DGKB: variants seen among roughly 807,000 people sequenced by gnomAD.
DGKB encodes the protein diacylglycerol kinase beta.
DGKB carries 67 observed loss-of-function variants against 114.3 expected under a neutral mutation model. That is an observed-to-expected ratio of 0.59 (90% CI 0.48 to 0.72). The LOEUF is 0.72. DGKB is among the 30% of genes least tolerant of loss of function. The probability of loss-of-function intolerance (pLI) is 0.00; values close to 1 mark genes in which losing one functional copy is unlikely to be tolerated. For synonymous variants in DGKB, 398 were observed against 323.1 expected (o/e 1.23, Z -2.49); for missense variants, 907 against 975.2 (o/e 0.93, Z 0.93).
In DGKB at chr7:14,965,928, T is replaced by A. The variant is rs551123906; in HGVS notation, c.-188+8768A>T. ...ACATTTTTGTACATCATGATATGAA[T>A]CTATACTTCTGTCAAAAAAAACTAT... On this transcript the variant is annotated intron_variant, in intron 1 of 4. Coordinates refer to the DGKB transcript ENST00000437998. 7.2e-5 allele frequency among the ~76,000 whole-genome samples: 11 copies of A among 152,234 alleles called. No homozygotes were observed. The East Asian group carries it at 2.1e-3, about 29-fold the overall frequency.
upstream of DGKB, among the ~76,000 whole-genome samples, chr7:14,907,564 C>G (rs554472170): frequency 6.6e-6 from 1 of 152,188 alleles, no homozygotes; most frequent in Non-Finnish European, 1.5e-5. Flanking sequence ...TGAACACACA[C>G]ACATGTGCAC....
chr7:14,377,829 A>T (rs566172748), intron 21 of DGKB, among the ~76,000 whole-genome samples: 4 of 152,256 alleles, frequency 2.6e-5, no homozygotes, highest in African/African-American at 9.6e-5. Context: ...AGGGTAGGTT[A>T]TACTCCTTTT....
At chr7:14,744,837 A>AT (rs1043814597) in intron 4 of DGKB, among the ~76,000 whole-genome samples, 21 of 151,612 alleles carry the variant, frequency 1.4e-4, no homozygotes, top group Middle Eastern at 3.4e-3. Flanking sequence ...GTTGTTTTGA[A>AT]TTTTTTTTTG....
At chr7:14,768,969 G>A (rs1836870116) in intron 2 of DGKB, among the ~76,000 whole-genome samples, 1 of 151,556 alleles carries the variant, frequency 6.6e-6, no homozygotes, top group Admixed American at 6.6e-5. Context: ...AATGTGTAGG[G>A]TATTTTAAAC....
At chr7:14,932,704 C>T (rs1431047576) in intron 1 of DGKB, among the ~76,000 whole-genome samples, 4 of 152,032 alleles carry the variant, frequency 2.6e-5, no homozygotes, top group African/African-American at 7.2e-5. Flanking sequence ...TAACGCAAAA[C>T]AATATAGGAT....
intron 21 of DGKB, among the ~76,000 whole-genome samples, chr7:14,445,562 G>A (rs761504458): frequency 4.6e-5 from 7 of 151,970 alleles, no homozygotes; most frequent in Non-Finnish European, 7.4e-5. Flanking sequence ...AGATAATGAA[G>A]AGGTAATAAC....
intron 1 of DGKB, among the ~76,000 whole-genome samples, chr7:14,950,687 A>T (rs1786146683): frequency 6.6e-6 from 1 of 151,982 alleles, no homozygotes; most frequent in Admixed American, 6.6e-5. Flanking sequence ...ATTAAAGAAT[A>T]AATATTAATC....
intron 1 of DGKB, among the ~76,000 whole-genome samples, chr7:14,892,552 C>T (rs765807568): frequency 3.3e-5 from 5 of 150,948 alleles, no homozygotes; most frequent in Non-Finnish European, 7.4e-5. Flanking sequence ...TAAATTTACA[C>T]ATTAAGGTAA....
At chr7:14,961,279 A>G (rs547105396) in intron 1 of DGKB, among the ~76,000 whole-genome samples, 1 of 152,224 alleles carries the variant, frequency 6.6e-6, no homozygotes. Flanking sequence ...TTTTGAACAA[A>G]ACATTGATTT....
intron 21 of DGKB, among the ~76,000 whole-genome samples, chr7:14,433,292 T>C (rs1828751197): frequency 1.3e-5 from 2 of 152,166 alleles, no homozygotes; most frequent in African/African-American, 4.8e-5. Context: ...CTCTTCTCAA[T>C]CCAATTTCCT....
chr7:14,630,676 C>A (rs1005117172), intron 13 of DGKB, among the ~76,000 whole-genome samples: 1 of 151,928 alleles, frequency 6.6e-6, no homozygotes, highest in African/African-American at 2.4e-5. Flanking sequence ...GTCTTTTGAA[C>A]ACAGACATAG....
chr7:14,422,542 C>G (rs1489982460), intron 21 of DGKB, among the ~76,000 whole-genome samples: 2 of 151,934 alleles, frequency 1.3e-5, no homozygotes, highest in African/African-American at 4.8e-5. Flanking sequence ...AAAATCATTC[C>G]AGGCTTTATT....
chr7:14,510,064 T>G (rs1460364220), intron 20 of DGKB, among the ~76,000 whole-genome samples: 2 of 152,046 alleles, frequency 1.3e-5, no homozygotes, highest in Admixed American at 1.3e-4. Context: ...TAGTCCCAGC[T>G]ACTCGGGAGG....
chr7:14,646,712 G>A (rs1016806340), intron 13 of DGKB, among the ~76,000 whole-genome samples: 9 of 151,864 alleles, frequency 5.9e-5, no homozygotes. Context: ...CAAATACATG[G>A]AAATTAAACA....
At chr7:14,915,480 T>C (rs768665022) in intron 1 of DGKB, among the ~76,000 whole-genome samples, 5 of 152,086 alleles carry the variant, frequency 3.3e-5, no homozygotes, top group Non-Finnish European at 5.9e-5. Flanking sequence ...TCCAAGAAAC[T>C]CAGAGAACAC....
intron 23 of DGKB, among the ~76,000 whole-genome samples, chr7:14,179,108 G>A (rs1782250532): frequency 6.6e-6 from 1 of 152,142 alleles, no homozygotes; most frequent in Non-Finnish European, 1.5e-5. Context: ...AATTTACAAC[G>A]TTTTAGAAAT....
chr7:14,934,856 TA>T (rs1785196835), intron 1 of DGKB, among the ~76,000 whole-genome samples: 1 of 152,314 alleles, frequency 6.6e-6, no homozygotes, highest in South Asian at 2.1e-4. Context: ...TCCAAGTTTT[TA>T]AATTTAATGC....
chr7:14,164,045 CACAACA>C, intron 25 of DGKB, among the ~76,000 whole-genome samples: 1 of 151,862 alleles, frequency 6.6e-6, no homozygotes, highest in African/African-American at 2.4e-5. Flanking sequence ...ACCTCACCAC[CACAACA>C]ACAACAAAAA....
chr7:14,816,490 T>G (rs7784940), intron 2 of DGKB: 30,228 of 152,316 alleles, frequency 0.2, 3,139 homozygotes, highest in South Asian at 0.27. Flanking sequence ...TAGTCTCTAG[T>G]TGTTGTTAGG....
Sources: gnomAD v4.1 joint callset for allele counts (sites outside exome capture counted in the v4.1 genomes callset) on GRCh38, gnomAD v4.1.1 for gene constraint, MANE v1.5 for transcripts, NCBI Gene and HGNC (gene_info 2026-07-23, HGNC 2026-07-21) for gene names.